Variants in MED12L observed in about 807,000 individuals in gnomAD.
MED12L encodes mediator complex subunit 12L.
MED12L carries 60 observed loss-of-function variants against 281.3 expected under a neutral mutation model. The observed-to-expected ratio is 0.21, with a 90% CI of 0.17 to 0.26. MED12L has a LOEUF of 0.26. MED12L is among the 10% of genes least tolerant of loss of function. The probability of loss-of-function intolerance (pLI) is 1.00; values close to 1 mark genes in which losing one functional copy is unlikely to be tolerated. For synonymous variants in MED12L, 974 were observed against 987.2 expected, an observed-to-expected ratio of 0.99 and a Z score of 0.25; for missense variants, 2,146 against 2,680.9, an observed-to-expected ratio of 0.80 and a Z score of 4.41.
chr3:151,401,091 T>C (rs1715616655), intron 39 of MED12L, among the ~76,000 whole-genome samples: 2 of 152,202 alleles, frequency 1.3e-5, no homozygotes, highest in Non-Finnish European at 2.9e-5. Context: ...TTTGTAGATT[T>C]GAAATGTTAC....
intron 21 of MED12L, among the ~76,000 whole-genome samples, chr3:151,362,993 T>C (rs1442616819): frequency 1.3e-5 from 2 of 152,166 alleles, no homozygotes; most frequent in Non-Finnish European, 2.9e-5. Flanking sequence ...GTTTTTTTAA[T>C]AGTGAACTTC....
intron 16 of MED12L, chr3:151,328,075 C>T (rs371851954): frequency 9.5e-5 from 153 of 1,610,338 alleles, no homozygotes; most frequent in Non-Finnish European, 1.2e-4. Flanking sequence ...TACATGGTAG[C>T]TTTTCTGTGA....
chr3:151,145,029 G>T (rs900822474), intron 5 of MED12L, among the ~76,000 whole-genome samples: 11 of 152,176 alleles, frequency 7.2e-5, no homozygotes, highest in African/African-American at 2.7e-4. Flanking sequence ...CTCTGTGCCA[G>T]TCACTGTTTT....
chr3:151,228,249 G>C (rs1730938428), intron 16 of MED12L, among the ~76,000 whole-genome samples: 2 of 152,142 alleles, frequency 1.3e-5, no homozygotes, highest in South Asian at 4.2e-4. Context: ...CTAGAATATT[G>C]CGATAATTAT....
At chr3:151,121,181 T>G (rs1713698194) in intron 3 of MED12L, among the ~76,000 whole-genome samples, 1 of 152,250 alleles carries the variant, frequency 6.6e-6, no homozygotes, top group Non-Finnish European at 1.5e-5. Context: ...AACAATTGGC[T>G]GCTACTGGCT....
intron 16 of MED12L, among the ~76,000 whole-genome samples, chr3:151,300,742 C>T (rs916815019): frequency 6.6e-6 from 1 of 152,180 alleles, no homozygotes; most frequent in Non-Finnish European, 1.5e-5. Context: ...TCATTCTGTC[C>T]AATCACAAAG....
chr3:151,282,690 T>C (rs1032405397), intron 16 of MED12L, among the ~76,000 whole-genome samples: 2 of 152,192 alleles, frequency 1.3e-5, no homozygotes, highest in Non-Finnish European at 2.9e-5. Flanking sequence ...AAGAATGATG[T>C]GAGCCAAGGT....
Position 151,183,342 on chromosome 3 carries a change from T to C in MED12L, c.1495-1988T>C, listed in dbSNP as rs142607202. Reference sequence around the variant, plus strand: ...TGCTGTTTCCTTCTTATCTCTTGAGTGTAAGCTTCTTAAGCAAGAAAATGT... The same window carrying C: ...TGCTGTTTCCTTCTTATCTCTTGAGCGTAAGCTTCTTAAGCAAGAAAATGT... On this transcript the variant is annotated intron_variant, in intron 11 of 44. Transcript: ENST00000687756. 5.0e-4 allele frequency among the ~76,000 whole-genome samples: 76 copies of C among 152,306 alleles called. 1 individual carries two copies. The highest frequency in any genetic ancestry group is 1.7e-3 in the African/African-American group (72 of 41,556).
rs573123198 is a variant in MED12L, at chr3:151,435,874, GAATT to G, written c.*3074_*3077del. 16 of 151,352 alleles carry G rather than the reference GAATT, an allele frequency of 1.1e-4. No homozygotes were observed. The highest frequency in any genetic ancestry group is 1.9e-4 in the Non-Finnish European group (13 of 67,710). The allele number at this position is 151,352 out of a possible 1,614,324, so 9.4% of individuals were successfully genotyped here. A position where few individuals can be genotyped will look rare whatever the true frequency, so the allele number is the denominator to read the frequency against. The stretch of plus-strand genomic sequence containing the variant: ...CCCAAGCATTTTCCCATCCCATAAA[GAATT>G]AATGAAATGAAATGCTTATAGAGCA... On this transcript the variant is annotated 3_prime_UTR_variant, in exon 45 of 45. Coordinates refer to ENST00000687756, the MANE Select transcript of MED12L (RefSeq NM_001393769.1).
intron 16 of MED12L, chr3:151,219,683 A>C (rs1033849385): frequency 6.6e-6 from 1 of 152,226 alleles, no homozygotes; most frequent in Non-Finnish European, 1.5e-5. Flanking sequence ...TTAAGTGAGC[A>C]CCTGACTTTT....
At position 151,417,144 on chromosome 3, in the gene MED12L, T is replaced by C. The variant is rs976810956; in HGVS notation, c.6408+722T>C. The stretch of plus-strand genomic sequence containing the variant: ...CTGTGAAAGTAAATACAAAAATAAT[T>C]TAGAAGGGAATCTCCATTTAACTGA... On this transcript the variant is annotated intron_variant, in intron 43 of 44. Transcript: ENST00000687756. Among the ~76,000 whole-genome samples the C allele has an allele frequency of 5.3e-5, 8 of 152,280 alleles. No homozygotes were observed. The East Asian group carries it at 1.5e-3, about 29-fold the overall frequency.
rs1270997032 is a variant in MED12L at position 151,377,158 on chromosome 3, T to A, written c.4296T>A (p.Asn1432Lys). ...GSADTSSTRQ[N>K]GIKTFLSSSE... ...CTGATACAAGTAGCACGAGACAGAA[T>A]GGAATAAAGACATTCCTAAGGTATT... Residue 1432 changes from asparagine to lysine, a missense_variant, in exon 30 of 45, where the codon AAT (asparagine) becomes AAA (lysine). Coordinates refer to ENST00000687756, the MANE Select transcript of MED12L (RefSeq NM_001393769.1). The A allele has an allele frequency of 6.2e-7, 1 of 1,611,984 alleles. No individual in the cohort carries two copies. Among genetic ancestry groups the A allele is most frequent in the Non-Finnish European group, 8.5e-7 (1 of 1,179,516 alleles).
intron 39 of MED12L, among the ~76,000 whole-genome samples, chr3:151,401,269 GT>G (rs796782093): frequency 2.9e-5 from 4 of 138,446 alleles, no homozygotes; most frequent in South Asian, 2.3e-4. Context: ...AATTTATTCA[GT>G]TTTTTTGTTT....
chr3:151,337,497 A>G, intron 16 of MED12L: 1 of 253,114 alleles, frequency 4.0e-6, no homozygotes, highest in South Asian at 5.9e-5. Context: ...TATTTTAAAA[A>G]TTACAGTAAA....
At chr3:151,293,096 A>G (rs886668834) in intron 16 of MED12L, among the ~76,000 whole-genome samples, 5 of 152,168 alleles carry the variant, frequency 3.3e-5, no homozygotes, top group African/African-American at 1.2e-4. Flanking sequence ...CCTCTCTGCT[A>G]AACCTGACTG....
At chr3:151,359,504 A>T (rs1472764397) in intron 20 of MED12L, among the ~76,000 whole-genome samples, 1 of 152,078 alleles carries the variant, frequency 6.6e-6, no homozygotes, top group Non-Finnish European at 1.5e-5. Flanking sequence ...TGGCCTAGAC[A>T]TCCTATGTTC....
chr3:151,164,067 G>A (rs1720361460), intron 9 of MED12L, 25 bp downstream of exon 9: 6 of 1,608,004 alleles, frequency 3.7e-6, no homozygotes, highest in Non-Finnish European at 4.3e-6. Flanking sequence ...TCAGTGATTT[G>A]ATGGCTGTTT....
At chr3:151,214,128 A>G in intron 16 of MED12L, 1 of 1,614,116 alleles carries the variant, frequency 6.2e-7, no homozygotes, top group African/African-American at 1.3e-5. Context: ...CAGCAATAAC[A>G]ATGTTCTTGA....
chr3:151,247,533 A>G (rs1247548217), intron 16 of MED12L, among the ~76,000 whole-genome samples: 1 of 148,924 alleles, frequency 6.7e-6, no homozygotes, highest in Non-Finnish European at 1.5e-5. Flanking sequence ...AACACTGCAT[A>G]TTCTCACTCA....
Sources: allele counts gnomAD v4.1 joint callset (sites outside exome capture counted in the v4.1 genomes callset), GRCh38; gene constraint gnomAD v4.1.1; transcripts MANE v1.5; gene names NCBI Gene and HGNC (gene_info 2026-07-23, HGNC 2026-07-21).